GPD2: variants seen among roughly 807,000 people sequenced by gnomAD.
The protein encoded by GPD2 is glycerol-3-phosphate dehydrogenase 2, also known as glycerol-3-phosphate dehydrogenase, mitochondrial.
In GPD2, 54 loss-of-function variants were observed where a neutral mutation model predicts 82.4. That is an observed-to-expected ratio of 0.66 (90% CI 0.53 to 0.82). GPD2 has a LOEUF of 0.82. Ranked by LOEUF, GPD2 falls within the 40% of genes least tolerant of loss-of-function variation. The pLI, the probability that GPD2 is intolerant of heterozygous loss-of-function variation, is 0.00. For synonymous variants in GPD2, 288 were observed against 306.1 expected, an observed-to-expected ratio of 0.94 and a Z score of 0.62; for missense variants, 748 against 896.2, an observed-to-expected ratio of 0.83 and a Z score of 2.11.
intron 1 of GPD2, among the ~76,000 whole-genome samples, chr2:156,463,507 C>G (rs1031954137): frequency 6.6e-6 from 1 of 152,270 alleles, no homozygotes; most frequent in Middle Eastern, 3.4e-3. Context: ...CCTTCTTCAT[C>G]TATTGAATGA....
At chr2:156,567,140 C>T (rs992397764) in intron 9 of GPD2, among the ~76,000 whole-genome samples, 3 of 151,604 alleles carry the variant, frequency 2.0e-5, no homozygotes, top group African/African-American at 2.4e-5. Context: ...TATGATTTAC[C>T]GGTATTTTCT....
chr2:156,442,820 A>G (rs1278300017), intron 1 of GPD2, among the ~76,000 whole-genome samples: 1 of 152,168 alleles, frequency 6.6e-6, no homozygotes, highest in Non-Finnish European at 1.5e-5. Flanking sequence ...AAAGTAATAA[A>G]AAATAATAAA....
the GPD2 span, among the ~76,000 whole-genome samples, chr2:156,408,107 C>T: frequency 6.6e-6 from 1 of 151,866 alleles, no homozygotes; most frequent in Non-Finnish European, 1.5e-5. Context: ...AGGCATGCGC[C>T]ACCACACTGG....
intron 6 of GPD2, among the ~76,000 whole-genome samples, chr2:156,545,714 G>A (rs1686503288): frequency 6.6e-6 from 1 of 152,036 alleles, no homozygotes; most frequent in African/African-American, 2.4e-5. Flanking sequence ...GAAAATCCCA[G>A]GTAGTTTTAT....
At chr2:156,497,353 A>G (rs1205513241) in intron 3 of GPD2, among the ~76,000 whole-genome samples, 2 of 152,230 alleles carry the variant, frequency 1.3e-5, no homozygotes, top group African/African-American at 4.8e-5. Context: ...TATTACTAAC[A>G]TGAATGTAAA....
intron 13 of GPD2, among the ~76,000 whole-genome samples, chr2:156,577,330 A>G (rs1687860147): frequency 6.6e-6 from 1 of 152,052 alleles, no homozygotes; most frequent in African/African-American, 2.4e-5. Flanking sequence ...TACAAATAAT[A>G]ATAATAAAAA....
Position 156,513,318 on chromosome 2 carries a change from CT to C in GPD2, c.498-14del, listed in dbSNP as rs764276666. 61 of 1,586,850 alleles carry C rather than the reference CT, an allele frequency of 3.8e-5. 1 individual carries two copies. In the East Asian group the frequency reaches 1.3e-3, roughly 33 times the overall value. ...CTCTGTTTCTGAAGAACTTTCCCCC[CT>C]ATTTATGCTGTAGGTGGTGGCAGTT... On this transcript the variant is annotated splice_polypyrimidine_tract_variant and intron_variant, in intron 5 of 16. Transcript: ENST00000438166.
chr2:156,530,840 G>GCAAA (rs1380877724), intron 6 of GPD2, among the ~76,000 whole-genome samples: 1 of 152,084 alleles, frequency 6.6e-6, no homozygotes, highest in Non-Finnish European at 1.5e-5. Flanking sequence ...TTTTAAAGTA[G>GCAAA]CAAACAATGC....
At chr2:156,498,057 T>C (rs1684447780) in intron 3 of GPD2, among the ~76,000 whole-genome samples, 1 of 152,198 alleles carries the variant, frequency 6.6e-6, no homozygotes, top group African/African-American at 2.4e-5. Context: ...GGTGATAATT[T>C]TGTATATCAA....
At chr2:156,404,824 A>G in the GPD2 span, among the ~76,000 whole-genome samples, 1 of 151,510 alleles carries the variant, frequency 6.6e-6, no homozygotes, top group African/African-American at 2.4e-5. Flanking sequence ...ATTGCACTCC[A>G]GCCTAGGGAA....
At chr2:156,480,589 A>G (rs1683690291) in intron 2 of GPD2, among the ~76,000 whole-genome samples, 3 of 151,186 alleles carry the variant, frequency 2.0e-5, no homozygotes, top group Non-Finnish European at 4.4e-5. Flanking sequence ...CACATAACAC[A>G]TTCTAGGTTT....
chr2:156,570,403 G>A (rs954661455), intron 12 of GPD2, among the ~76,000 whole-genome samples, 185 bp downstream of exon 12: 3 of 152,120 alleles, frequency 2.0e-5, no homozygotes, highest in Non-Finnish European at 2.9e-5. Context: ...ATTCTGAAGT[G>A]ATATTGATAG....
intron 13 of GPD2, among the ~76,000 whole-genome samples, chr2:156,571,973 C>CA (rs1298260276): frequency 1.3e-5 from 2 of 152,166 alleles, no homozygotes; most frequent in African/African-American, 2.4e-5. Flanking sequence ...CTTTTGCCAC[C>CA]ACTTTGCTGC....
chr2:156,577,162 A>G (rs1181713062), intron 13 of GPD2, among the ~76,000 whole-genome samples: 1 of 152,198 alleles, frequency 6.6e-6, no homozygotes, highest in African/African-American at 2.4e-5. Context: ...TAAGAAAAGG[A>G]AAGCAGGAAA....
intron 2 of GPD2, among the ~76,000 whole-genome samples, chr2:156,491,086 C>A (rs1684158493): frequency 6.6e-6 from 1 of 152,200 alleles, no homozygotes; most frequent in Non-Finnish European, 1.5e-5. Flanking sequence ...TTCTTTCATG[C>A]CCTTTGTAGT....
intron 13 of GPD2, among the ~76,000 whole-genome samples, chr2:156,572,447 G>C (rs977910701): frequency 6.6e-6 from 1 of 152,010 alleles, no homozygotes. Context: ...TCTGTCACAT[G>C]GATTACCGCA....
At chr2:156,484,193 G>A (rs567132731) in intron 2 of GPD2, among the ~76,000 whole-genome samples, 1 of 152,018 alleles carries the variant, frequency 6.6e-6, no homozygotes, top group South Asian at 2.1e-4. Flanking sequence ...GGAGTGCAGT[G>A]GCGGGATCTC....
chr2:156,560,221 CGTGAA>C (rs903095319), intron 9 of GPD2, among the ~76,000 whole-genome samples: 6 of 152,118 alleles, frequency 3.9e-5, no homozygotes, highest in African/African-American at 1.4e-4. Context: ...GATCTCTACC[CGTGAA>C]GTGAGCGTGG....
At chr2:156,430,152 C>T in the GPD2 span, among the ~76,000 whole-genome samples, 16 of 152,172 alleles carry the variant, frequency 1.1e-4, no homozygotes, top group South Asian at 3.1e-3. Context: ...AGTGTTTTGG[C>T]AGGATATGCT....
Sources: gnomAD v4.1 joint callset for allele counts (sites outside exome capture counted in the v4.1 genomes callset) on GRCh38, gnomAD v4.1.1 for gene constraint, MANE v1.5 for transcripts, NCBI Gene and HGNC (gene_info 2026-07-23, HGNC 2026-07-21) for gene names.